GRHL1: variants seen among roughly 807,000 people sequenced by gnomAD.
The protein encoded by GRHL1 is grainyhead like transcription factor 1.
GRHL1 carries 38 observed loss-of-function variants against 75.7 expected under a neutral mutation model. The observed-to-expected ratio is 0.50, with a 90% CI of 0.39 to 0.66. The LOEUF (loss-of-function observed/expected upper bound fraction) is 0.66. GRHL1 is among the 30% of genes least tolerant of loss of function. GRHL1 has a pLI of 0.00. For synonymous variants in GRHL1, 266 were observed against 279.4 expected (o/e 0.95, Z 0.48); for missense variants, 589 against 767.5 (o/e 0.77, Z 2.75).
intron 8 of GRHL1, among the ~76,000 whole-genome samples, chr2:9,969,342 A>G (rs941663770): frequency 6.6e-6 from 1 of 152,182 alleles, no homozygotes; most frequent in Admixed American, 6.5e-5. Flanking sequence ...CACCCATAAA[A>G]AGCACCCAGT....
intron 8 of GRHL1, among the ~76,000 whole-genome samples, chr2:9,966,587 A>G (rs1031103947): frequency 9.9e-5 from 15 of 152,104 alleles, no homozygotes; most frequent in Non-Finnish European, 1.5e-5. Flanking sequence ...TCTTTTATTT[A>G]TTCAATAAGA....
intron 8 of GRHL1, among the ~76,000 whole-genome samples, chr2:9,978,085 C>T (rs1004849554): frequency 3.9e-5 from 6 of 152,152 alleles, no homozygotes; most frequent in Non-Finnish European, 8.8e-5. Context: ...GGGGAAATCG[C>T]CCCCATGATT....
At position 9,987,778 on chromosome 2, in the gene GRHL1, G is replaced by A. The variant is rs1476343589; in HGVS notation, c.1269+1496G>A. On this transcript the variant is annotated intron_variant, in intron 9 of 15. Coordinates refer to ENST00000324907, the MANE Select transcript of GRHL1 (RefSeq NM_198182.3). The surrounding 1 kb of genome is among the most constrained non-coding windows in gnomAD (Gnocchi z 4.2). ...AGTCTTGAGGGGAAAGTTTGTGCTG[G>A]CTCGAAACTGGGGAGCAACCGTGGA... Among the ~76,000 whole-genome samples, 1 of 152,176 alleles carries A rather than the reference G, an allele frequency of 6.6e-6. No homozygotes were observed. The highest frequency in any genetic ancestry group is 1.5e-5 in the Non-Finnish European group (1 of 68,022).
chr2:9,962,392 C>T (rs879041923), intron 4 of GRHL1, 63 bp from the exon 5 acceptor site: 73 of 895,844 alleles, frequency 8.1e-5, no homozygotes, highest in Admixed American at 3.5e-5. Flanking sequence ...GGTACCAGAG[C>T]TTGGTCTTTA....
chr2:9,963,053 T>C (rs897556234), intron 5 of GRHL1, among the ~76,000 whole-genome samples: 1 of 152,234 alleles, frequency 6.6e-6, no homozygotes, highest in South Asian at 2.1e-4. Context: ...TTTTGTTTTA[T>C]GTGTTTTTTA....
intron 14 of GRHL1, among the ~76,000 whole-genome samples, chr2:9,997,130 T>C (rs779289510): frequency 3.9e-5 from 6 of 152,240 alleles, no homozygotes; most frequent in Non-Finnish European, 8.8e-5. Flanking sequence ...ATGACTGTAG[T>C]GTGTTGAATT....
At position 10,000,583 on chromosome 2, in the gene GRHL1, C is replaced by T. The variant is rs1384026109; in HGVS notation, c.1743-10C>T. 1.9e-6 allele frequency: 3 copies of T among 1,561,880 alleles called. No individual in the cohort carries two copies. Among genetic ancestry groups the T allele is most frequent in the Non-Finnish European group, 2.6e-6 (3 of 1,133,396 alleles). Reference sequence around the variant, plus strand: ...AGTGAAGTTGGTTGGTCTTGTCCCCCCCCATCCAGGATCCTGGTGAACATG... The same window carrying T: ...AGTGAAGTTGGTTGGTCTTGTCCCCTCCCATCCAGGATCCTGGTGAACATG... On this transcript the variant is annotated splice_polypyrimidine_tract_variant and intron_variant, in intron 15 of 15. Transcript: ENST00000324907.
chr2:9,981,444 C>T (rs564735755), intron 8 of GRHL1, among the ~76,000 whole-genome samples: 2 of 152,352 alleles, frequency 1.3e-5, no homozygotes, highest in African/African-American at 4.8e-5. Context: ...AAATTAATGT[C>T]CAAGCAACTT....
chr2:9,979,838 T>C (rs958385099), intron 8 of GRHL1, among the ~76,000 whole-genome samples: 42 of 152,248 alleles, frequency 2.8e-4, no homozygotes, highest in African/African-American at 1.0e-3. Flanking sequence ...CACTTGATGT[T>C]TTTGTAACTT....
At chr2:9,959,998 A>G (rs1184182613) in intron 3 of GRHL1, 3 of 152,214 alleles carry the variant, frequency 2.0e-5, no homozygotes, top group African/African-American at 7.2e-5. Flanking sequence ...TTCAGCCTAT[A>G]TGATTTCTGG....
rs945273332 is a variant in GRHL1 at position 9,992,895 on chromosome 2, G to A, written c.1462-312G>A. Among the ~76,000 whole-genome samples the A allele has an allele frequency of 6.6e-6, 1 of 152,288 alleles. No homozygotes were observed. The highest frequency in any genetic ancestry group is 2.4e-5 in the African/African-American group (1 of 41,558). ...AAAGGTTTTCAGCTTTTGGGGCCCC[G>A]TGGTCTCCACTGTGCTGCTCAGTGC... On this transcript the variant is annotated intron_variant, in intron 11 of 15. Transcript: ENST00000324907. The surrounding 1 kb of genome is among the most constrained non-coding windows in gnomAD (Gnocchi z 4.6).
chr2:10,000,614 C>T lies in GRHL1; in HGVS notation c.1764C>T (p.Asp588=). The T allele has an allele frequency of 6.2e-7, 1 of 1,612,142 alleles. No homozygotes were observed. The highest frequency in any genetic ancestry group is 8.5e-7 in the Non-Finnish European group (1 of 1,178,486). Reference sequence around the variant, plus strand: ...CCAGGATCCTGGTGAACATGGACGACAACATTGTGAAGCATTACTCCAATG... The same window carrying T: ...CCAGGATCCTGGTGAACATGGACGATAACATTGTGAAGCATTACTCCAATG... The part of the protein sequence containing the change: ...CKKGILVNMD[D]NIVKHYSNED... The change falls in exon 16 of 16, where the codon GAC becomes GAT. Residue 588 remains aspartate (D), a synonymous_variant. Transcript: ENST00000324907.
chr2:9,972,420 T>A (rs1416120791), intron 8 of GRHL1, among the ~76,000 whole-genome samples: 1 of 152,124 alleles, frequency 6.6e-6, no homozygotes, highest in Non-Finnish European at 1.5e-5. Context: ...CCTGCCATTA[T>A]TAGTAGTAAC....
intron 5 of GRHL1, 30 bp downstream of exon 5, chr2:9,962,561 A>G (rs1667322569): frequency 8.5e-7 from 1 of 1,179,138 alleles, no homozygotes; most frequent in Non-Finnish European, 1.3e-6. Flanking sequence ...TTGATTTTTA[A>G]TTTGCAGCTT....
At position 9,995,976 on chromosome 2, in the gene GRHL1, T is replaced by G; in HGVS notation, c.1591+6T>G. 1 of 1,543,968 alleles carries G rather than the reference T, an allele frequency of 6.5e-7. No individual in the cohort carries two copies. The highest frequency in any genetic ancestry group is 1.7e-4 in the Middle Eastern group (1 of 5,946). Reference sequence around the variant, plus strand: ...GATAGAAGAACCAAAGAGAGGTGTGTTCGTTTCCATTTCTTAGTGGGAGTT... The same window carrying G: ...GATAGAAGAACCAAAGAGAGGTGTGGTCGTTTCCATTTCTTAGTGGGAGTT... On this transcript the variant is annotated splice_donor_region_variant and intron_variant, in intron 13 of 15. Coordinates refer to ENST00000324907, the MANE Select transcript of GRHL1 (RefSeq NM_198182.3).
chr2:9,986,238 C>T lies in GRHL1; in HGVS notation c.1225C>T (p.Pro409Ser). The T allele has an allele frequency of 6.2e-7, 1 of 1,613,798 alleles. No homozygotes were observed. The highest frequency in any genetic ancestry group is 8.5e-7 in the Non-Finnish European group (1 of 1,179,864). Residue 409 changes from proline to serine, a missense_variant, in exon 9 of 16, where the codon CCT (proline) becomes TCT (serine). Pro to Ser is a moderately conservative substitution (Grantham distance 74). Transcript: ENST00000324907. Reference protein sequence around the residue: ...TYSYNNRSNKPVHRAYCQIKV... With the variant: ...TYSYNNRSNKSVHRAYCQIKV... ...TAGTTACAACAACCGCAGCAACAAG[C>T]CTGTGCACCGGGCCTACTGCCAGAT...
At chr2:9,976,766 C>T (rs938352424) in intron 8 of GRHL1, among the ~76,000 whole-genome samples, 2 of 152,052 alleles carry the variant, frequency 1.3e-5, no homozygotes, top group African/African-American at 4.8e-5. Context: ...TTCTCAGACT[C>T]AGATCTGGGT....
rs1667912607 is a variant in GRHL1 at position 9,975,587 on chromosome 2, A to G, written c.1110+10206A>G. 2.0e-5 allele frequency among the ~76,000 whole-genome samples: 3 copies of G among 152,184 alleles called. No homozygotes were observed. In the South Asian group the frequency reaches 6.2e-4, roughly 32 times the overall value. On this transcript the variant is annotated intron_variant, in intron 8 of 15. Transcript: ENST00000324907. The stretch of plus-strand genomic sequence containing the variant: ...GTTCAAGTCAGCTTAAAAGAAAGAT[A>G]TAAACACAGGCCGGGCGCGGTGGCT...
chr2:9,981,558 C>T (rs1572369976), intron 8 of GRHL1, among the ~76,000 whole-genome samples: 1 of 152,224 alleles, frequency 6.6e-6, no homozygotes, highest in East Asian at 1.9e-4. Context: ...CGACCACACT[C>T]ATATCCGTGG....
Sources: gnomAD v4.1 joint callset for allele counts (sites outside exome capture counted in the v4.1 genomes callset) on GRCh38, gnomAD v4.1.1 for gene constraint, Gnocchi (gnomAD v3.1) non-coding constraint, MANE v1.5 for transcripts, NCBI Gene and HGNC (gene_info 2026-07-23, HGNC 2026-07-21) for gene names.